Variants in PIN4 observed in about 807,000 individuals in gnomAD.
The protein encoded by PIN4 is peptidylprolyl cis/trans isomerase, NIMA-interacting 4, also known as peptidyl-prolyl cis-trans isomerase NIMA-interacting 4.
A neutral mutation model predicts 8.3 loss-of-function variants in PIN4; 3 were observed. The ratio of observed to expected loss-of-function variants is 0.36; its 90% CI spans 0.16 to 0.93. The LOEUF (loss-of-function observed/expected upper bound fraction) is 0.93, where lower values mean the gene tolerates loss of function less well. Ranked by LOEUF, PIN4 falls within the 40% of genes least tolerant of loss-of-function variation. The probability of loss-of-function intolerance (pLI) is 0.44; values close to 1 mark genes in which losing one functional copy is unlikely to be tolerated. For synonymous variants in PIN4, 18 were observed against 32.5 expected (o/e 0.55, Z 1.52); for missense variants, 75 against 100.6 (o/e 0.75, Z 1.09).
In PIN4 at chrX:72,197,791, C is replaced by T; in HGVS notation, c.*265C>T. ...ACTCCCTTTAACCTGTATTCTCTTT[C>T]CTCCCAGAACTATATCTGACTCTCA... On this transcript the variant is annotated 3_prime_UTR_variant, in exon 4 of 4. Coordinates refer to ENST00000373669, the MANE Select transcript of PIN4 (RefSeq NM_006223.4). 1 of 827,694 alleles carries T rather than the reference C, an allele frequency of 1.2e-6. No homozygotes were observed. The highest frequency in any genetic ancestry group is 1.5e-6 in the Non-Finnish European group (1 of 683,202). The allele number at this position is 827,694 out of a possible 1,213,427, so 68.2% of individuals were successfully genotyped here.
At chrX:72,189,136 A>G (rs1256285256) in intron 2 of PIN4, among the ~76,000 whole-genome samples, 2 of 110,709 alleles carry the variant, frequency 1.8e-5, no homozygotes, top group Non-Finnish European at 3.8e-5. Context: ...CTGCACTCCA[A>G]CCTGGGCAAC....
At chrX:72,185,160 A>AAC (rs1314125623) in intron 1 of PIN4, among the ~76,000 whole-genome samples, 27 of 104,315 alleles carry the variant, frequency 2.6e-4, no homozygotes, top group Non-Finnish European at 4.7e-4. Flanking sequence ...AAAAAAAAAA[A>AAC]AAAAAACAAC....
At chrX:72,187,509 AAG>A (rs1491162597) in intron 2 of PIN4, among the ~76,000 whole-genome samples, 1 of 112,027 alleles carries the variant, frequency 8.9e-6, no homozygotes, top group Non-Finnish European at 1.9e-5. Context: ...ATAAAAAAGT[AAG>A]AGATGGGCCA....
chrX:72,250,275 T>C (rs183563880), intron 3 of PIN4, among the ~76,000 whole-genome samples: 1 of 110,465 alleles, frequency 9.1e-6, no homozygotes, highest in East Asian at 2.8e-4. Context: ...TTTTATGTTA[T>C]GTAAATTTCA....
intron 2 of PIN4, among the ~76,000 whole-genome samples, chrX:72,191,943 G>GT (rs1442441549): frequency 1.8e-5 from 2 of 108,780 alleles, no homozygotes; most frequent in Non-Finnish European, 1.9e-5. Context: ...AAATTCGTGG[G>GT]TTTTTTTGTT....
chrX:72,212,832 A>C (rs1253624342), intron 3 of PIN4, among the ~76,000 whole-genome samples: 1 of 111,320 alleles, frequency 9.0e-6, no homozygotes, highest in Non-Finnish European at 1.9e-5. Flanking sequence ...AGACCCAGCT[A>C]CTGGGAGGCT....
chrX:72,255,173 C>T (rs1444829368), intron 3 of PIN4, among the ~76,000 whole-genome samples: 2 of 108,629 alleles, frequency 1.8e-5, no homozygotes, highest in East Asian at 2.9e-4. Context: ...AATAATAGTC[C>T]ATTGGCGGAT....
intron 3 of PIN4, among the ~76,000 whole-genome samples, chrX:72,218,470 TA>T (rs2042899833): frequency 9.3e-6 from 1 of 107,428 alleles, no homozygotes; most frequent in Admixed American, 1.0e-4. Context: ...ATATGGCTTT[TA>T]TAATAGTTTG....
intron 3 of PIN4, among the ~76,000 whole-genome samples, chrX:72,255,224 C>G (rs911337953): frequency 2.8e-5 from 3 of 108,169 alleles, no homozygotes; most frequent in African/African-American, 6.7e-5. Context: ...GAGCCATGAT[C>G]ACGCCACTGA....
intron 3 of PIN4, among the ~76,000 whole-genome samples, chrX:72,217,079 T>C (rs1479098351): frequency 8.9e-6 from 1 of 112,293 alleles, no homozygotes; most frequent in Non-Finnish European, 1.9e-5. Context: ...ATGCTGTTTT[T>C]TTCCGGAGTG....
intron 3 of PIN4, chrX:72,207,287 G>A (rs765128241): frequency 2.5e-6 from 3 of 1,210,706 alleles, no homozygotes; most frequent in East Asian, 3.0e-5. Flanking sequence ...TTTAAGAGGC[G>A]TTCAATGATG....
exon 4 of PIN4, chrX:72,262,838 T>G: frequency 1.4e-6 from 1 of 727,242 alleles, no homozygotes; most frequent in Non-Finnish European, 2.0e-6. Flanking sequence ...CTATTCAATG[T>G]TGATTCTATT....
chrX:72,198,830 G>C (rs775127133), downstream of PIN4: 2 of 110,715 alleles, frequency 1.8e-5, no homozygotes, highest in African/African-American at 6.6e-5. Flanking sequence ...CTGCACTCCA[G>C]ACTTCAGCCT....
In PIN4 at chrX:72,181,790, C is replaced by G; in HGVS notation, c.5C>G (p.Pro2Arg). 18 of 1,194,395 alleles carry G rather than the reference C, an allele frequency of 1.5e-5. No individual in the cohort carries two copies. The highest frequency in any genetic ancestry group is 2.0e-5 in the Non-Finnish European group (18 of 880,925). The change falls in exon 1 of 4, where the codon CCG (proline) becomes CGG (arginine). Residue 2 changes from proline (P) to arginine (R), a missense_variant. Coordinates refer to ENST00000373669, the MANE Select transcript of PIN4 (RefSeq NM_006223.4). ...GTTCAACAACAAGCTTCCAAGATGCCGCCCAAAGGAAAAAGTGGTTCTGGA... is the reference window on the plus strand; with the variant it reads ...GTTCAACAACAAGCTTCCAAGATGCGGCCCAAAGGAAAAAGTGGTTCTGGA... M[P>R]PKGKSGSGKA...
intron 1 of PIN4, 189 bp from the exon 2 acceptor site, chrX:72,186,272 C>T (rs1401056963): frequency 2.0e-6 from 1 of 495,129 alleles, no homozygotes; most frequent in South Asian, 2.5e-5. Context: ...TTTTGTGTGG[C>T]CCAAGATAAT....
rs188894500 is a variant in PIN4 at position 72,254,091 on chromosome X, T to C, written c.313-8616T>C. The stretch of plus-strand genomic sequence containing the variant: ...TCACTCCTTTGCTTAAGACCTTTCA[T>C]TGAGTTCACAACACACTGGAAATAC... On this transcript the variant is annotated intron_variant, in intron 3 of 3. Transcript: ENST00000423432. 8.9e-5 allele frequency among the ~76,000 whole-genome samples: 10 copies of C among 112,704 alleles called. No individual in the cohort carries two copies. The East Asian group carries it at 1.7e-3, about 19-fold the overall frequency.
At chrX:72,244,884 C>A (rs2043061696) in intron 3 of PIN4, among the ~76,000 whole-genome samples, 1 of 106,637 alleles carries the variant, frequency 9.4e-6, no homozygotes, top group Admixed American at 1.0e-4. Context: ...AGTTTGAGAC[C>A]AGCCTGGGCA....
In PIN4 at chrX:72,239,074, G is replaced by A. The variant is rs1416420831; in HGVS notation, c.313-23633G>A. ...GACACAGCCAACCGACGGCCTCGCG[G>A]CCGGCCAATCCGCGACCACGCGCTG... On this transcript the variant is annotated intron_variant, in intron 3 of 3. Transcript: ENST00000423432. The A allele has an allele frequency of 9.8e-6, 5 of 510,524 alleles. 1 individual carries two copies. In the Admixed American group the frequency reaches 1.5e-4, roughly 15 times the overall value. The allele number at this position is 510,524 out of a possible 1,213,427, so 42.1% of individuals were successfully genotyped here.
At chrX:72,236,694 T>G (rs768076471) in intron 3 of PIN4, among the ~76,000 whole-genome samples, 1 of 112,303 alleles carries the variant, frequency 8.9e-6, no homozygotes, top group East Asian at 2.8e-4. Context: ...AGTAGGTTCT[T>G]GGCAACTGCA....
Sources: allele counts gnomAD v4.1 joint callset (sites outside exome capture counted in the v4.1 genomes callset), GRCh38; gene constraint gnomAD v4.1.1; transcripts MANE v1.5; gene names NCBI Gene and HGNC (gene_info 2026-07-23, HGNC 2026-07-21).